EPS15L1: variants seen among roughly 807,000 people sequenced by gnomAD.
EPS15L1 encodes the protein epidermal growth factor receptor substrate 15-like 1.
Under a neutral mutation model 117.1 loss-of-function variants are expected in EPS15L1, and 43 were observed. The observed-to-expected ratio is 0.37, with a 90% CI of 0.29 to 0.47. The LOEUF (loss-of-function observed/expected upper bound fraction) is 0.47, where lower values mean the gene tolerates loss of function less well. Among genes scored for constraint, EPS15L1 ranks in the 20% least tolerant of loss-of-function variants. The pLI is 0.99. For missense variants in EPS15L1, 981 were observed against 1,164.0 expected (o/e 0.84, Z 2.29); for synonymous variants, 459 against 470.5 (o/e 0.98, Z 0.32).
intron 22 of EPS15L1, among the ~76,000 whole-genome samples, chr19:16,376,594 C>A (rs1388176716): frequency 1.3e-5 from 2 of 152,204 alleles, no homozygotes; most frequent in African/African-American, 2.4e-5. Flanking sequence ...CATCAGATGC[C>A]ACCAAGGACA....
chr19:16,421,465 G>C lies in EPS15L1; in HGVS notation c.804C>G (p.Asn268Lys), dbSNP rs969556980. 1 of 1,611,622 alleles carries C rather than the reference G, an allele frequency of 6.2e-7. No individual in the cohort carries two copies. Residue 268 changes from asparagine (N) to lysine (K), a missense_variant, in exon 10 of 24, where the codon AAC becomes AAG. This residue lies in a region of EPS15L1 where 819 missense variants were observed against 949.0 expected (regional missense o/e 0.86). Transcript: ENST00000455140. ...TCTTGTCTGCCACGGGCACCACCCA[G>C]TTCACTGTTGGCTGAAACAGTTTTT... ...HSLKQTQPTV[N>K]WVVPVADKMR...
rs552122763 is a variant in EPS15L1 at position 16,414,344 on chromosome 19, C to T, written c.1194-499G>A. Among the ~76,000 whole-genome samples, 155 of 152,208 alleles carry T rather than the reference C, an allele frequency of 1.0e-3. 2 individuals are homozygous for T. The highest frequency in any genetic ancestry group is 7.0e-3 in the South Asian group (34 of 4,826). The stretch of plus-strand genomic sequence containing the variant: ...GCCTCCAACAAGAGCCCAGCCCAGC[C>T]GACGCCTTGACCTCAGCCTGTGACA... On this transcript the variant is annotated intron_variant, in intron 12 of 23. Coordinates refer to ENST00000455140, the MANE Select transcript of EPS15L1 (RefSeq NM_001258374.3).
chr19:16,418,125 C>T, intron 10 of EPS15L1, 21 bp from the exon 11 acceptor site: 1 of 1,604,456 alleles, frequency 6.2e-7, no homozygotes, highest in East Asian at 2.2e-5. Flanking sequence ...CGTGGGGATG[C>T]TAATTACACA....
Position 16,382,003 on chromosome 19 carries a change from G to A in EPS15L1, c.2247+3126C>T, listed in dbSNP as rs77586934. 2.1e-4 allele frequency among the ~76,000 whole-genome samples: 32 copies of A among 152,254 alleles called. 1 individual carries two copies. The East Asian group carries it at 5.8e-3, about 28-fold the overall frequency. ...TGAGCCTTTCTACCCTCTGTGTCGC[G>A]CAATAGGACCCGGGCAATAAAACCA... On this transcript the variant is annotated intron_variant, in intron 21 of 23. Transcript: ENST00000455140.
At chr19:16,392,170 G>A in intron 19 of EPS15L1, 134 bp downstream of exon 19, 1 of 996,762 alleles carries the variant, frequency 1.0e-6, no homozygotes, top group South Asian at 1.6e-5. Context: ...CCAGCTCCCG[G>A]AGAACAGACA....
At position 16,417,348 on chromosome 19, in the gene EPS15L1, T is replaced by C; in HGVS notation, c.1193+204A>G. On this transcript the variant is annotated intron_variant, in intron 12 of 23. Transcript: ENST00000455140. ...CTGAGACCACACAGATGCTACGGGC[T>C]CTGGCTGAGGCTGATTCAAATGGAA... 1.1e-5 allele frequency: 6 copies of C among 557,376 alleles called. No homozygotes were observed. The South Asian group carries it at 1.2e-4, about 11-fold the overall frequency. 34.5% of individuals were successfully genotyped at this position (557,376 alleles called of 1,614,324 possible). A position where few individuals can be genotyped will look rare whatever the true frequency, so the allele number is the denominator to read the frequency against.
chr19:16,408,814 C>G (rs193234264), intron 13 of EPS15L1, among the ~76,000 whole-genome samples: 3 of 152,182 alleles, frequency 2.0e-5, no homozygotes, highest in South Asian at 2.1e-4. Flanking sequence ...TGAGGAGAGG[C>G]AGATAGGTCA....
chr19:16,439,369 T>C (rs1487030151), intron 4 of EPS15L1, among the ~76,000 whole-genome samples: 1 of 152,178 alleles, frequency 6.6e-6, no homozygotes, highest in Non-Finnish European at 1.5e-5. Flanking sequence ...TCAAATTTAT[T>C]TTCCATAGGA....
At chr19:16,459,084 C>A (rs568347606) in intron 1 of EPS15L1, among the ~76,000 whole-genome samples, 7 of 152,180 alleles carry the variant, frequency 4.6e-5, no homozygotes, top group Non-Finnish European at 1.0e-4. Flanking sequence ...TAAGTAGCTG[C>A]GTATCTAAAC....
chr19:16,424,237 G>A (rs1342586744), intron 9 of EPS15L1, among the ~76,000 whole-genome samples: 1 of 152,190 alleles, frequency 6.6e-6, no homozygotes, highest in East Asian at 1.9e-4. Flanking sequence ...GGAGTAGGGG[G>A]AGCATGTGGA....
At chr19:16,448,958 T>C (rs542868261) in intron 1 of EPS15L1, among the ~76,000 whole-genome samples, 5 of 151,882 alleles carry the variant, frequency 3.3e-5, no homozygotes, top group African/African-American at 1.2e-4. Context: ...TTCAACAGCA[T>C]AAAAAAGAAA....
chr19:16,413,320 T>C, intron 13 of EPS15L1: 2 of 677,534 alleles, frequency 3.0e-6, no homozygotes, highest in Non-Finnish European at 5.4e-6. Flanking sequence ...TCAGCACCTG[T>C]GTCCAAGAAG....
intron 22 of EPS15L1, among the ~76,000 whole-genome samples, chr19:16,374,329 G>A (rs532984392): frequency 6.6e-6 from 1 of 152,288 alleles, no homozygotes; most frequent in South Asian, 2.1e-4. Flanking sequence ...GCACCGAGTG[G>A]CACAGCAACC....
chr19:16,395,363 T>C lies in EPS15L1; in HGVS notation c.1896A>G (p.Lys632=). 6.2e-7 allele frequency: 1 copy of C among 1,614,064 alleles called. No homozygotes were observed. The highest frequency in any genetic ancestry group is 8.5e-7 in the Non-Finnish European group (1 of 1,179,942). The change falls in exon 17 of 24, where the codon AAA becomes AAG. Residue 632 remains lysine (K), a synonymous_variant. Transcript: ENST00000455140. The part of the protein sequence containing the change: ...TEDPFKSDPF[K]GADPFKGDPF... ...AGATACCTTTGAAGGGGTCAGCTCCTTTAAATGGGTCAGATTTGAAGGGGT... is the reference window on the plus strand; with the variant it reads ...AGATACCTTTGAAGGGGTCAGCTCCCTTAAATGGGTCAGATTTGAAGGGGT...
intron 16 of EPS15L1, among the ~76,000 whole-genome samples, chr19:16,399,391 G>A (rs184735895): frequency 4.6e-5 from 7 of 152,264 alleles, no homozygotes; most frequent in Admixed American, 2.6e-4. Flanking sequence ...TGAATGACAC[G>A]GCCCTTGGCA....
At chr19:16,457,714 G>A (rs944500356) in intron 1 of EPS15L1, among the ~76,000 whole-genome samples, 3 of 152,080 alleles carry the variant, frequency 2.0e-5, no homozygotes, top group Non-Finnish European at 4.4e-5. Context: ...TGAAGCCTCT[G>A]AGCAGCCCTC....
At chr19:16,426,521 C>T (rs1364309000) in intron 8 of EPS15L1, among the ~76,000 whole-genome samples, 1 of 152,140 alleles carries the variant, frequency 6.6e-6, no homozygotes, top group African/African-American at 2.4e-5. Flanking sequence ...CACCTATAAT[C>T]CCAGTTACTT....
intron 16 of EPS15L1, among the ~76,000 whole-genome samples, chr19:16,399,501 G>A (rs1462112065): frequency 2.6e-5 from 4 of 152,190 alleles, no homozygotes; most frequent in Non-Finnish European, 4.4e-5. Flanking sequence ...AGAAGCTTCT[G>A]TGACATTCCC....
intron 13 of EPS15L1, chr19:16,413,341 T>C (rs1440802285): frequency 7.2e-6 from 5 of 690,858 alleles, no homozygotes; most frequent in Non-Finnish European, 1.3e-5. Context: ...CTGCTCATGA[T>C]GGCTAGTATC....
Sources: allele counts gnomAD v4.1 joint callset (sites outside exome capture counted in the v4.1 genomes callset), GRCh38; gene constraint gnomAD v4.1.1; regional missense constraint gnomAD v4.1.1; transcripts MANE v1.5; gene names NCBI Gene and HGNC (gene_info 2026-07-23, HGNC 2026-07-21).